PAPSS2: variants seen among roughly 807,000 people sequenced by gnomAD.
PAPSS2 encodes 3'-phosphoadenosine 5'-phosphosulfate synthase 2.
PAPSS2 carries 61 observed loss-of-function variants against 66.5 expected under a neutral mutation model. That is an observed-to-expected ratio of 0.92 (90% CI 0.75 to 1.14). The LOEUF is 1.14. Among genes scored for constraint, PAPSS2 ranks in the 50% most tolerant of loss-of-function variants. The probability of loss-of-function intolerance (pLI) is 0.00; values close to 1 mark genes in which losing one functional copy is unlikely to be tolerated. For synonymous variants in PAPSS2, 289 were observed against 287.5 expected, an observed-to-expected ratio of 1.01 and a Z score of -0.05; for missense variants, 708 against 789.6, an observed-to-expected ratio of 0.90 and a Z score of 1.24.
intron 2 of PAPSS2, among the ~76,000 whole-genome samples, chr10:87,710,949 G>A (rs1479930400): frequency 6.6e-6 from 1 of 152,152 alleles, no homozygotes; most frequent in Non-Finnish European, 1.5e-5. Flanking sequence ...GTTGCAGGGA[G>A]CTGAGATCCG....
In PAPSS2 at chr10:87,745,018, G is replaced by A. The variant is rs754342397; in HGVS notation, c.1508G>A (p.Arg503Lys). The change falls in exon 12 of 13, where the codon AGG becomes AAG. Residue 503 changes from arginine (R) to lysine (K), a missense_variant. Coordinates refer to ENST00000456849, the MANE Select transcript of PAPSS2 (RefSeq NM_001015880.2). ...AGPTEVQWHCRSRMIAGANFY... is the reference protein window; with the variant it reads ...AGPTEVQWHCKSRMIAGANFY... ...ATTTTCTAGGTCCAGTGGCACTGCA[G>A]GTCCCGGATGATTGCGGGTGCCAAT... 1 of 1,614,076 alleles carries A rather than the reference G, an allele frequency of 6.2e-7. No individual in the cohort carries two copies. The highest frequency in any genetic ancestry group is 1.1e-5 in the South Asian group (1 of 91,074).
intron 1 of PAPSS2, among the ~76,000 whole-genome samples, chr10:87,661,732 T>G (rs2131890288): frequency 6.6e-6 from 1 of 152,342 alleles, no homozygotes; most frequent in African/African-American, 2.4e-5. Flanking sequence ...CCGGAGGGTT[T>G]GGTTTTTGTA....
intron 8 of PAPSS2, among the ~76,000 whole-genome samples, chr10:87,724,600 A>T (rs922304756): frequency 8.1e-5 from 12 of 148,672 alleles, no homozygotes; most frequent in African/African-American, 2.7e-4. Flanking sequence ...AAATAAATTT[A>T]TATATATGCA....
At chr10:87,681,315 A>G (rs1173167487) in intron 1 of PAPSS2, among the ~76,000 whole-genome samples, 1 of 152,240 alleles carries the variant, frequency 6.6e-6, no homozygotes, top group Non-Finnish European at 1.5e-5. Flanking sequence ...TCTTGAAACC[A>G]TGCTTACCAC....
At chr10:87,734,840 T>G (rs909971456) in intron 9 of PAPSS2, among the ~76,000 whole-genome samples, 1 of 151,378 alleles carries the variant, frequency 6.6e-6, no homozygotes, top group Non-Finnish European at 1.5e-5. Context: ...TTCTCTCTGC[T>G]CCCTTTTTGC....
intron 9 of PAPSS2, among the ~76,000 whole-genome samples, chr10:87,732,536 AG>A (rs1204510945): frequency 6.6e-6 from 1 of 151,994 alleles, no homozygotes; most frequent in Non-Finnish European, 1.5e-5. Flanking sequence ...AAAAAAAAAA[AG>A]TTTAGATAAT....
chr10:87,669,295 A>G (rs1852848749), intron 1 of PAPSS2, among the ~76,000 whole-genome samples: 1 of 152,230 alleles, frequency 6.6e-6, no homozygotes, highest in Non-Finnish European at 1.5e-5. Flanking sequence ...GCCTCAGTTC[A>G]GTTTTACCTC....
chr10:87,723,916 C>T (rs1853626887), intron 8 of PAPSS2, among the ~76,000 whole-genome samples: 2 of 152,258 alleles, frequency 1.3e-5, no homozygotes, highest in Admixed American at 6.5e-5. Flanking sequence ...TAAATAACTG[C>T]ATTTGCTTCC....
chr10:87,731,732 G>C (rs1188576441), intron 9 of PAPSS2, among the ~76,000 whole-genome samples: 2 of 152,146 alleles, frequency 1.3e-5, no homozygotes, highest in Non-Finnish European at 2.9e-5. Flanking sequence ...CTGCAGACGT[G>C]GTGGAAATAG....
At chr10:87,669,102 T>G (rs1461133463) in intron 1 of PAPSS2, among the ~76,000 whole-genome samples, 1 of 152,362 alleles carries the variant, frequency 6.6e-6, no homozygotes, top group Middle Eastern at 3.4e-3. Context: ...GAAATATTTT[T>G]GATTGGCCGG....
intron 8 of PAPSS2, among the ~76,000 whole-genome samples, chr10:87,726,064 T>G (rs1175965852): frequency 1.3e-5 from 2 of 152,088 alleles, no homozygotes; most frequent in Non-Finnish European, 2.9e-5. Context: ...TTTTTACAAG[T>G]GCATGAGATG....
chr10:87,670,724 A>G (rs998029933), intron 1 of PAPSS2, among the ~76,000 whole-genome samples: 1 of 152,212 alleles, frequency 6.6e-6, no homozygotes, highest in Non-Finnish European at 1.5e-5. Context: ...AAGTTGAATC[A>G]CAGAATTTGT....
chr10:87,739,497 C>T (rs543965418), intron 9 of PAPSS2, among the ~76,000 whole-genome samples: 36 of 152,074 alleles, frequency 2.4e-4, no homozygotes, highest in Non-Finnish European at 3.7e-4. Context: ...ACAAGTTGTC[C>T]GATTTTTCCC....
Position 87,659,929 on chromosome 10 carries a change from T to C in PAPSS2, c.-53T>C. 1 of 1,600,114 alleles carries C rather than the reference T, an allele frequency of 6.2e-7. No homozygotes were observed. Reference sequence around the variant, plus strand: ...CTGCCGCCGCCGCCGCCGCCGTCCCTGCGTCCTTCGGTCTCTGCTCCCGGG... The same window carrying C: ...CTGCCGCCGCCGCCGCCGCCGTCCCCGCGTCCTTCGGTCTCTGCTCCCGGG... On this transcript the variant is annotated 5_prime_UTR_variant, in exon 1 of 13. Transcript: ENST00000456849.
intron 1 of PAPSS2, among the ~76,000 whole-genome samples, chr10:87,679,044 G>A (rs1384916370): frequency 6.6e-6 from 1 of 152,048 alleles, no homozygotes; most frequent in African/African-American, 2.4e-5. Flanking sequence ...CCATCAACAG[G>A]CAAATGGATA....
At chr10:87,716,382 T>A (rs1589435719) in intron 7 of PAPSS2, among the ~76,000 whole-genome samples, 1 of 152,258 alleles carries the variant, frequency 6.6e-6, no homozygotes. Context: ...GGCAGCTTTC[T>A]GGCCACGAGC....
intron 9 of PAPSS2, among the ~76,000 whole-genome samples, chr10:87,738,716 T>G (rs745981920): frequency 2.4e-4 from 36 of 152,234 alleles, no homozygotes; most frequent in Non-Finnish European, 4.3e-4. Context: ...TTCTGTTTTT[T>G]AATAGTGGCC....
At chr10:87,701,517 G>A (rs1329243315) in intron 1 of PAPSS2, among the ~76,000 whole-genome samples, 1 of 151,220 alleles carries the variant, frequency 6.6e-6, no homozygotes, top group African/African-American at 2.4e-5. Context: ...GACCTCCTGG[G>A]CTCAAGCAAT....
At chr10:87,709,157 A>G in intron 1 of PAPSS2, 39 bp from the exon 2 acceptor site, 1 of 1,339,750 alleles carries the variant, frequency 7.5e-7, no homozygotes, top group Non-Finnish European at 1.1e-6. Flanking sequence ...TATGTGTTTT[A>G]TTAATTAATA....
Sources: allele counts gnomAD v4.1 joint callset (sites outside exome capture counted in the v4.1 genomes callset), GRCh38; gene constraint gnomAD v4.1.1; transcripts MANE v1.5; gene names NCBI Gene and HGNC (gene_info 2026-07-23, HGNC 2026-07-21).